KCNIP4: variants seen among roughly 807,000 people sequenced by gnomAD.
KCNIP4 encodes potassium voltage-gated channel interacting protein 4, also known as Kv channel-interacting protein 4.
A neutral mutation model predicts 34.0 loss-of-function variants in KCNIP4; 12 were observed. That is an observed-to-expected ratio of 0.35 (90% CI 0.23 to 0.57). The LOEUF is 0.57. Among genes scored for constraint, KCNIP4 ranks in the 20% least tolerant of loss-of-function variants. The pLI, the probability that KCNIP4 is intolerant of heterozygous loss-of-function variation, is 0.83. For synonymous variants in KCNIP4, 124 were observed against 102.2 expected, an observed-to-expected ratio of 1.21 and a Z score of -1.29; for missense variants, 238 against 311.7, an observed-to-expected ratio of 0.76 and a Z score of 1.78.
chr4:21,898,545 G>A (rs1038588674), intron 1 of KCNIP4, among the ~76,000 whole-genome samples: 1 of 152,092 alleles, frequency 6.6e-6, no homozygotes, highest in Admixed American at 6.5e-5. Flanking sequence ...GGCCAGAAGG[G>A]AACCCACTGC....
intron 1 of KCNIP4, among the ~76,000 whole-genome samples, chr4:21,635,115 T>A (rs1205667390): frequency 6.6e-6 from 1 of 152,168 alleles, no homozygotes; most frequent in African/African-American, 2.4e-5. Context: ...TAAAATAAAT[T>A]GTTCTGGCAA....
At chr4:21,413,669 T>C (rs991133413) in intron 1 of KCNIP4, among the ~76,000 whole-genome samples, 2 of 152,160 alleles carry the variant, frequency 1.3e-5, no homozygotes, top group Non-Finnish European at 2.9e-5. Context: ...CAGCGTCACA[T>C]CCCTAGAGTG....
chr4:20,821,272 T>C (rs1017651369), intron 3 of KCNIP4, among the ~76,000 whole-genome samples: 4 of 152,218 alleles, frequency 2.6e-5, no homozygotes, highest in African/African-American at 9.6e-5. Context: ...AATTTACTTG[T>C]GAATTATTAC....
At chr4:21,524,227 G>C (rs987995296) in intron 1 of KCNIP4, among the ~76,000 whole-genome samples, 21 of 128,968 alleles carry the variant, frequency 1.6e-4, no homozygotes, top group Non-Finnish European at 1.6e-4. Context: ...CCTTCTTATG[G>C]ATGGTTAACA....
At chr4:21,402,935 T>C (rs1723666027) in intron 1 of KCNIP4, among the ~76,000 whole-genome samples, 1 of 152,066 alleles carries the variant, frequency 6.6e-6, no homozygotes, top group African/African-American at 2.4e-5. Flanking sequence ...TCCTATGTTC[T>C]TTATAATTAA....
chr4:21,626,369 C>T (rs1236690015), intron 1 of KCNIP4, among the ~76,000 whole-genome samples: 1 of 149,006 alleles, frequency 6.7e-6, no homozygotes, highest in Non-Finnish European at 1.5e-5. Flanking sequence ...AAAACAGATA[C>T]CAGAGAGCTT....
chr4:21,807,561 C>A (rs147010213), intron 1 of KCNIP4, among the ~76,000 whole-genome samples: 3 of 152,272 alleles, frequency 2.0e-5, no homozygotes, highest in Non-Finnish European at 1.5e-5. Flanking sequence ...ACAACTTATT[C>A]TTTCAAGTTC....
intron 1 of KCNIP4, among the ~76,000 whole-genome samples, chr4:21,205,276 C>T (rs560411730): frequency 3.9e-5 from 6 of 152,300 alleles, no homozygotes; most frequent in Admixed American, 3.9e-4. Context: ...ATATATATGA[C>T]TTTGCCTGCA....
At chr4:21,638,296 G>T (rs1746369603) in intron 1 of KCNIP4, among the ~76,000 whole-genome samples, 1 of 152,076 alleles carries the variant, frequency 6.6e-6, no homozygotes. Flanking sequence ...CAATTTAAAG[G>T]TACTCCACAT....
chr4:21,471,968 A>G (rs1027376962), intron 1 of KCNIP4, among the ~76,000 whole-genome samples: 2 of 152,224 alleles, frequency 1.3e-5, no homozygotes, highest in African/African-American at 4.8e-5. Context: ...AAAGAAAACA[A>G]ATACTTCATG....
intron 1 of KCNIP4, among the ~76,000 whole-genome samples, chr4:21,255,022 G>C (rs1203863487): frequency 1.3e-5 from 2 of 152,112 alleles, no homozygotes; most frequent in African/African-American, 4.8e-5. Context: ...TTTGACTTCA[G>C]GTAAAGTTGA....
intron 1 of KCNIP4, among the ~76,000 whole-genome samples, chr4:21,935,504 T>G (rs1245002236): frequency 6.6e-6 from 1 of 151,998 alleles, no homozygotes; most frequent in Non-Finnish European, 1.5e-5. Flanking sequence ...ACTAAATGCT[T>G]CTTCTCAATC....
At chr4:21,033,502 C>T (rs1184190073) in intron 1 of KCNIP4, among the ~76,000 whole-genome samples, 1 of 152,196 alleles carries the variant, frequency 6.6e-6, no homozygotes, top group Non-Finnish European at 1.5e-5. Flanking sequence ...GCCCTAGGGG[C>T]ATGCATACTC....
intron 1 of KCNIP4, among the ~76,000 whole-genome samples, chr4:21,804,890 G>A (rs773215657): frequency 2.0e-5 from 3 of 152,000 alleles, no homozygotes; most frequent in African/African-American, 4.8e-5. Context: ...ATGTTAGAAC[G>A]CTAAGAACAA....
intron 1 of KCNIP4, among the ~76,000 whole-genome samples, chr4:21,205,100 G>T (rs189749336): frequency 6.6e-6 from 1 of 152,188 alleles, no homozygotes; most frequent in Non-Finnish European, 1.5e-5. Flanking sequence ...AATGCACGGA[G>T]GAATAAGAAT....
At chr4:20,885,207 G>T (rs759529281) in intron 1 of KCNIP4, among the ~76,000 whole-genome samples, 3 of 152,126 alleles carry the variant, frequency 2.0e-5, no homozygotes, top group Non-Finnish European at 4.4e-5. Flanking sequence ...AGATCACCAG[G>T]TTAGGAGGAT....
rs140559983 is a variant in KCNIP4 at position 20,887,403 on chromosome 4, T to TAATAAATA, written c.62-4702_62-4695dup. On this transcript the variant is annotated intron_variant, in intron 1 of 8. Coordinates refer to ENST00000382152, the MANE Select transcript of KCNIP4 (RefSeq NM_025221.6). ...AACCAAAAGAAGAAAACTTAAAGTATAATAAATAAATAAATAAATAAATAA... is the reference window on the plus strand; with the variant it reads ...AACCAAAAGAAGAAAACTTAAAGTATAATAAATAAATAAATAAATAAATAAATAAATAA... Among the ~76,000 whole-genome samples, 469 of 150,194 alleles carry TAATAAATA rather than the reference T, an allele frequency of 3.1e-3. 1 individual carries two copies. The highest frequency in any genetic ancestry group is 0.01 in the African/African-American group (430 of 41,104).
intron 1 of KCNIP4, among the ~76,000 whole-genome samples, chr4:21,375,894 T>C (rs1294714973): frequency 6.6e-6 from 1 of 152,098 alleles, no homozygotes; most frequent in East Asian, 1.9e-4. Flanking sequence ...TTTGATACAG[T>C]TGTGAGGAGT....
intron 1 of KCNIP4, among the ~76,000 whole-genome samples, chr4:21,293,877 A>G (rs988202594): frequency 6.6e-6 from 1 of 152,036 alleles, no homozygotes. Context: ...TTTACTTCAA[A>G]CCTAATTCTG....
Sources: gnomAD v4.1 joint callset for allele counts (sites outside exome capture counted in the v4.1 genomes callset) on GRCh38, gnomAD v4.1.1 for gene constraint, MANE v1.5 for transcripts, NCBI Gene and HGNC (gene_info 2026-07-23, HGNC 2026-07-21) for gene names.